STK32B: variants seen among roughly 807,000 people sequenced by gnomAD.
STK32B encodes the protein serine/threonine kinase 32B.
STK32B carries 43 observed loss-of-function variants against 52.6 expected under a neutral mutation model. That is an observed-to-expected ratio of 0.82 (90% confidence interval 0.64 to 1.05). The LOEUF (loss-of-function observed/expected upper bound fraction) is 1.05, where lower values mean the gene tolerates loss of function less well. Ranked by LOEUF, STK32B falls within the 50% of genes least tolerant of loss-of-function variation. The pLI is 0.00. For synonymous variants in STK32B, 238 were observed against 204.3 expected (o/e 1.17, Z -1.41); for missense variants, 621 against 534.6 (o/e 1.16, Z -1.59).
chr4:5,335,591 T>C (rs1732616273), intron 4 of STK32B, among the ~76,000 whole-genome samples: 1 of 152,136 alleles, frequency 6.6e-6, no homozygotes, highest in African/African-American at 2.4e-5. Context: ...TTTTGGATCT[T>C]TCCTGCTTTC....
At chr4:5,056,822 T>G (rs1328459931) in intron 1 of STK32B, among the ~76,000 whole-genome samples, 1 of 152,208 alleles carries the variant, frequency 6.6e-6, no homozygotes, top group African/African-American at 2.4e-5. Flanking sequence ...TTGAGGCATT[T>G]GGAATAAGGA....
chr4:5,318,968 T>A (rs563445042), intron 3 of STK32B, among the ~76,000 whole-genome samples: 4 of 151,952 alleles, frequency 2.6e-5, no homozygotes, highest in African/African-American at 9.7e-5. Flanking sequence ...CCCAGCTAAT[T>A]TTTTTGTGTG....
intron 11 of STK32B, among the ~76,000 whole-genome samples, chr4:5,480,590 C>A (rs1206569309): frequency 6.7e-6 from 1 of 149,650 alleles, no homozygotes; most frequent in Non-Finnish European, 1.5e-5. Context: ...TTTTTTTTTT[C>A]TTTCATTATA....
chr4:5,046,366 C>G, the STK32B span, among the ~76,000 whole-genome samples: 3 of 152,148 alleles, frequency 2.0e-5, no homozygotes, highest in Non-Finnish European at 2.9e-5. Context: ...AAAATTAACT[C>G]AAGATGGATT....
chr4:5,312,694 C>A (rs1299227865), intron 3 of STK32B, among the ~76,000 whole-genome samples: 2 of 150,186 alleles, frequency 1.3e-5, no homozygotes, highest in African/African-American at 4.9e-5. Context: ...CATTGTTGGA[C>A]ATTTGGGTTG....
intron 1 of STK32B, among the ~76,000 whole-genome samples, chr4:5,063,870 C>T (rs1413170170): frequency 3.3e-5 from 5 of 152,082 alleles, no homozygotes; most frequent in South Asian, 2.1e-4. Context: ...ATTGAGCATA[C>T]AATAGTATTT....
At chr4:5,300,566 T>G in intron 3 of STK32B, among the ~76,000 whole-genome samples, 1 of 152,184 alleles carries the variant, frequency 6.6e-6, no homozygotes, top group East Asian at 1.9e-4. Flanking sequence ...CTAACCCTGA[T>G]AAATGACTTC....
chr4:5,304,768 G>A (rs897841138), intron 3 of STK32B, among the ~76,000 whole-genome samples: 2 of 118,116 alleles, frequency 1.7e-5, no homozygotes, highest in East Asian at 2.2e-4. Context: ...TCCAGTTATC[G>A]GGGAGGGGGG....
chr4:5,411,849 G>A (rs137855139), intron 5 of STK32B, among the ~76,000 whole-genome samples: 6 of 152,266 alleles, frequency 3.9e-5, no homozygotes, highest in African/African-American at 1.4e-4. Flanking sequence ...CCAGTTAAGA[G>A]CATTTTGTTG....
intron 3 of STK32B, among the ~76,000 whole-genome samples, chr4:5,184,515 C>T (rs57126984): frequency 2.0e-5 from 3 of 151,824 alleles, no homozygotes; most frequent in Non-Finnish European, 4.4e-5. Flanking sequence ...TGGTGAAACC[C>T]TGTCTCTACC....
chr4:5,315,416 A>G (rs1172656024), intron 3 of STK32B, among the ~76,000 whole-genome samples: 5 of 148,322 alleles, frequency 3.4e-5, no homozygotes, highest in Admixed American at 2.6e-4. Flanking sequence ...AGTAACAATA[A>G]TACTCAGCAA....
chr4:5,142,525 G>A (rs1716555376), intron 2 of STK32B, among the ~76,000 whole-genome samples: 1 of 152,190 alleles, frequency 6.6e-6, no homozygotes, highest in Non-Finnish European at 1.5e-5. Context: ...TTTGCTATAT[G>A]CACATTTAAC....
chr4:5,022,395 T>C, the STK32B span, among the ~76,000 whole-genome samples: 2 of 152,110 alleles, frequency 1.3e-5, no homozygotes, highest in Non-Finnish European at 2.9e-5. Flanking sequence ...CACCAGGGGC[T>C]CCCTATGAGA....
At chr4:5,149,490 T>C (rs1187317633) in intron 2 of STK32B, among the ~76,000 whole-genome samples, 1 of 151,892 alleles carries the variant, frequency 6.6e-6, no homozygotes, top group Admixed American at 6.6e-5. Context: ...AAGTATACGT[T>C]CCAGTATTAT....
Position 5,456,886 on chromosome 4 carries a change from C to A in STK32B, c.746C>A (p.Ser249Tyr). ...AAGGTGGAGCGTGTCCACTACTCCT[C>A]CACGTGGTGCAAGGGGATGGTGGCC... Reference protein sequence around the residue: ...MFKVERVHYSSTWCKGMVALL... With the variant: ...MFKVERVHYSYTWCKGMVALL... The change falls in exon 8 of 12, where the codon TCC becomes TAC. Residue 249 changes from serine (S) to tyrosine (Y), a missense_variant. Transcript: ENST00000282908. The A allele has an allele frequency of 6.3e-7, 1 of 1,591,752 alleles. No individual in the cohort carries two copies. Among genetic ancestry groups the A allele is most frequent in the Non-Finnish European group, 8.6e-7 (1 of 1,168,058 alleles).
chr4:5,162,021 C>T (rs898710825), intron 2 of STK32B, among the ~76,000 whole-genome samples: 16 of 152,072 alleles, frequency 1.1e-4, no homozygotes, highest in Non-Finnish European at 7.4e-5. Context: ...CCTCAGGTCC[C>T]GTTGATGGGG....
Position 5,456,829 on chromosome 4 carries a change from T to C in STK32B, c.689T>C (p.Val230Ala), listed in dbSNP as rs61729663. 5.6e-4 allele frequency: 899 copies of C among 1,594,720 alleles called. 3 individuals are homozygous for C. In the African/African-American group the frequency reaches 0.01, roughly 18 times the overall value. The change falls in exon 8 of 12, where the codon GTC becomes GCC. Residue 230 changes from valine (V) to alanine (A), a missense_variant. Physicochemically the swap from Val to Ala is moderately conservative, Grantham distance 64 (BLOSUM62 0). Transcript: ENST00000282908. Reference sequence around the variant, plus strand: ...CAGAGGCCGTACGAAATCCACTCGGTCACGCCCATCGATGAAATCCTCAAC... The same window carrying C: ...CAGAGGCCGTACGAAATCCACTCGGCCACGCCCATCGATGAAATCCTCAAC... Reference protein sequence around the residue: ...RGWRPYEIHSVTPIDEILNMF... With the variant: ...RGWRPYEIHSATPIDEILNMF...
At chr4:5,332,446 G>A (rs371961521) in intron 4 of STK32B, among the ~76,000 whole-genome samples, 31 of 152,204 alleles carry the variant, frequency 2.0e-4, no homozygotes, top group African/African-American at 7.2e-4. Flanking sequence ...GTGAAAAGAG[G>A]CTATAATAAG....
Position 5,051,569 on chromosome 4 carries a change from G to T in STK32B, c.-295G>T. On this transcript the variant is annotated 5_prime_UTR_variant, in exon 1 of 12. Transcript: ENST00000282908. ...CGCCGCACGTTGGCCCCGGCGCGAG[G>T]AGCTCCCGGGTTCCCGGGCGGGCAC... 2.5e-6 allele frequency: 1 copy of T among 395,002 alleles called. No homozygotes were observed. Among genetic ancestry groups the T allele is most frequent in the Non-Finnish European group, 4.5e-6 (1 of 224,082 alleles). The allele number at this position is 395,002 out of a possible 1,614,324, so 24.5% of individuals were successfully genotyped here.
Sources: gnomAD v4.1 joint callset for allele counts (sites outside exome capture counted in the v4.1 genomes callset) on GRCh38, gnomAD v4.1.1 for gene constraint, MANE v1.5 for transcripts, NCBI Gene and HGNC (gene_info 2026-07-23, HGNC 2026-07-21) for gene names.